Variants in TNPO3 observed in about 807,000 individuals in gnomAD.
TNPO3 encodes the protein transportin 3, also known as transportin-3.
TNPO3 carries 65 observed loss-of-function variants against 122.8 expected under a neutral mutation model. The ratio of observed to expected loss-of-function variants is 0.53; its 90% CI spans 0.43 to 0.65. The LOEUF is 0.65. TNPO3 is among the 30% of genes least tolerant of loss of function. The probability of loss-of-function intolerance (pLI) is 0.00; values close to 1 mark genes in which losing one functional copy is unlikely to be tolerated. For synonymous variants in TNPO3, 372 were observed against 411.2 expected, an observed-to-expected ratio of 0.90 and a Z score of 1.15; for missense variants, 850 against 1,136.7, an observed-to-expected ratio of 0.75 and a Z score of 3.63.
intron 1 of TNPO3, among the ~76,000 whole-genome samples, chr7:129,019,068 T>C (rs1804164634): frequency 6.6e-6 from 1 of 152,188 alleles, no homozygotes; most frequent in African/African-American, 2.4e-5. Context: ...GCTACACATG[T>C]TACTGAAATC....
At chr7:129,020,302 TGTA>T (rs1804331217) in intron 1 of TNPO3, among the ~76,000 whole-genome samples, 1 of 152,198 alleles carries the variant, frequency 6.6e-6, no homozygotes. Flanking sequence ...AATTAATTAA[TGTA>T]GTACTAATAG....
At chr7:129,023,894 G>C (rs1804809376) in intron 1 of TNPO3, among the ~76,000 whole-genome samples, 1 of 152,140 alleles carries the variant, frequency 6.6e-6, no homozygotes, top group Admixed American at 6.6e-5. Context: ...AGAAATAACA[G>C]ATTTAGAATA....
At chr7:129,050,377 G>C (rs1808591792) in intron 1 of TNPO3, among the ~76,000 whole-genome samples, 1 of 74,762 alleles carries the variant, frequency 1.3e-5, no homozygotes, top group Non-Finnish European at 2.4e-5. Flanking sequence ...GCGAGACTCT[G>C]TCTCAAAAAA....
At chr7:128,971,556 TAAATG>T (rs1455795772) in intron 19 of TNPO3, among the ~76,000 whole-genome samples, 5 of 152,206 alleles carry the variant, frequency 3.3e-5, no homozygotes, top group African/African-American at 1.2e-4. Context: ...CCAAACTTCT[TAAATG>T]AATAGCCTAA....
At chr7:129,033,769 C>T (rs547452925) in intron 1 of TNPO3, among the ~76,000 whole-genome samples, 1 of 151,968 alleles carries the variant, frequency 6.6e-6, no homozygotes, top group African/African-American at 2.4e-5. Context: ...AAAAATTAGC[C>T]GGACATGGTG....
In TNPO3 at chr7:129,000,448, G is replaced by A; in HGVS notation, c.992C>T (p.Ala331Val). 1.2e-6 allele frequency: 2 copies of A among 1,614,072 alleles called. No individual in the cohort carries two copies. The highest frequency in any genetic ancestry group is 1.7e-6 in the Non-Finnish European group (2 of 1,179,966). ...LRTLELLLIC[A>V]GHPQYEVVEI... ...CACTACCTCATATTGAGGATGGCCT[G>A]CACAGATAAGCAGCAGCTCCAGAGT... The change falls in exon 7 of 23, where the codon GCA becomes GTA. Residue 331 changes from alanine to valine, a missense_variant. Ala to Val is a moderately conservative substitution (Grantham distance 64). Coordinates refer to ENST00000265388, the MANE Select transcript of TNPO3 (RefSeq NM_012470.4).
At chr7:128,973,667 C>T (rs1798718533) in intron 18 of TNPO3, among the ~76,000 whole-genome samples, 1 of 120,494 alleles carries the variant, frequency 8.3e-6, no homozygotes, top group Non-Finnish European at 1.6e-5. Context: ...ACCCAGGAGG[C>T]AGAGCTTGCA....
rs536444964 is a variant in TNPO3, at chr7:129,022,636, A to T, written c.121-4479T>A. Reference sequence around the variant, plus strand: ...TAAAGAAAAAGATAAAATAATTTGGACATCTATATAAAAAGAGCAACTGAT... The same window carrying T: ...TAAAGAAAAAGATAAAATAATTTGGTCATCTATATAAAAAGAGCAACTGAT... On this transcript the variant is annotated intron_variant, in intron 1 of 22. Coordinates refer to ENST00000265388, the MANE Select transcript of TNPO3 (RefSeq NM_012470.4). 6.6e-5 allele frequency among the ~76,000 whole-genome samples: 10 copies of T among 152,264 alleles called. No individual in the cohort carries two copies. The South Asian group carries it at 2.1e-3, about 32-fold the overall frequency.
At chr7:129,032,461 A>G (rs1281719008) in intron 1 of TNPO3, among the ~76,000 whole-genome samples, 1 of 152,250 alleles carries the variant, frequency 6.6e-6, no homozygotes, top group Non-Finnish European at 1.5e-5. Context: ...TTACTTGTAG[A>G]AAACCCAAAA....
chr7:129,011,054 A>G (rs926953487), intron 4 of TNPO3, among the ~76,000 whole-genome samples: 1 of 152,252 alleles, frequency 6.6e-6, no homozygotes, highest in Non-Finnish European at 1.5e-5. Flanking sequence ...TTCATTACAT[A>G]TAACGAATAG....
intron 7 of TNPO3, among the ~76,000 whole-genome samples, chr7:128,999,334 G>A (rs953938723): frequency 6.6e-6 from 1 of 152,152 alleles, no homozygotes; most frequent in African/African-American, 2.4e-5. Context: ...GATTTTACTC[G>A]TAGCCTCTTT....
chr7:128,989,883 C>T, intron 11 of TNPO3, 78 bp downstream of exon 11: 1 of 1,526,750 alleles, frequency 6.5e-7, no homozygotes, highest in South Asian at 1.2e-5. Context: ...AAGGAAAACA[C>T]ATGCAAAAGT....
chr7:129,029,122 C>A, intron 1 of TNPO3: 1 of 225,066 alleles, frequency 4.4e-6, no homozygotes, highest in South Asian at 6.1e-5. Context: ...GCAGAGCCAT[C>A]ATGAAGACTC....
At chr7:128,987,921 T>C (rs148629033) in intron 11 of TNPO3, among the ~76,000 whole-genome samples, 1 of 152,192 alleles carries the variant, frequency 6.6e-6, no homozygotes, top group Admixed American at 6.5e-5. Context: ...GTACTTTATA[T>C]TGACCTTGTA....
At chr7:129,006,614 G>A (rs1802605121) in intron 4 of TNPO3, among the ~76,000 whole-genome samples, 1 of 152,142 alleles carries the variant, frequency 6.6e-6, no homozygotes, top group South Asian at 2.1e-4. Flanking sequence ...AATTTCCATG[G>A]GGTTCAGGAG....
intron 1 of TNPO3, among the ~76,000 whole-genome samples, chr7:129,024,145 G>C (rs1229186761): frequency 6.6e-6 from 1 of 152,184 alleles, no homozygotes; most frequent in Non-Finnish European, 1.5e-5. Context: ...GGAATCTTTG[G>C]AGCTTCTGCC....
intron 21 of TNPO3, among the ~76,000 whole-genome samples, chr7:128,961,971 A>G (rs188955377): frequency 1.6e-4 from 25 of 152,280 alleles, no homozygotes; most frequent in African/African-American, 2.4e-4. Flanking sequence ...TTCTAGTCCC[A>G]ATTGGTCTTA....
At chr7:129,033,952 C>T (rs940177841) in intron 1 of TNPO3, among the ~76,000 whole-genome samples, 2 of 149,436 alleles carry the variant, frequency 1.3e-5, no homozygotes, top group African/African-American at 2.5e-5. Context: ...GATATTTGCA[C>T]ACCCGTGTTC....
Position 128,984,188 on chromosome 7 carries a change from G to C in TNPO3, c.1762C>G (p.Gln588Glu). 1 of 1,610,602 alleles carries C rather than the reference G, an allele frequency of 6.2e-7. No individual in the cohort carries two copies. The highest frequency in any genetic ancestry group is 2.2e-5 in the East Asian group (1 of 44,724). Reference protein sequence around the residue: ...TECLSELCSVQVMALKKLLSQ... With the variant: ...TECLSELCSVEVMALKKLLSQ... ...CTTACCTTTTTCAATGCCATAACCT[G>C]AACAGAACATAGTTCACTAAGACAT... is the stretch of plus-strand genomic sequence containing the variant. The change falls in exon 13 of 23, where the codon CAG becomes GAG. Residue 588 changes from glutamine to glutamate, a missense_variant. By Grantham distance (29) the Gln-to-Glu change is conservative (BLOSUM62 2). Transcript: ENST00000265388.
Sources: gnomAD v4.1 joint callset for allele counts (sites outside exome capture counted in the v4.1 genomes callset) on GRCh38, gnomAD v4.1.1 for gene constraint, MANE v1.5 for transcripts, NCBI Gene and HGNC (gene_info 2026-07-23, HGNC 2026-07-21) for gene names.